Variants in FANCA observed in about 807,000 individuals in gnomAD.
The protein encoded by FANCA is Fanconi anemia group A protein.
FANCA carries 236 observed loss-of-function variants against 194.3 expected under a neutral mutation model. The ratio of observed to expected loss-of-function variants is 1.21; its 90% CI spans 1.09 to 1.35. The LOEUF (loss-of-function observed/expected upper bound fraction) is 1.35, where lower values mean the gene tolerates loss of function less well. Ranked by LOEUF, FANCA falls within the 40% of genes most tolerant of loss-of-function variation. The pLI is 0.00. For missense variants in FANCA, 2,628 were observed against 1,813.9 expected (o/e 1.45, Z -8.15); for synonymous variants, 1,014 against 715.8 (o/e 1.42, Z -6.65).
Position 89,778,830 on chromosome 16 carries a change from G to C in FANCA, c.1797C>G (p.Ser599=), listed in dbSNP as rs2039605171. 1 of 1,614,016 alleles carries C rather than the reference G, an allele frequency of 6.2e-7. No homozygotes were observed. The highest frequency in any genetic ancestry group is 2.2e-5 in the East Asian group (1 of 44,880). Residue 599 remains serine (S), a synonymous_variant, in exon 20 of 43, where the codon TCC becomes TCG. Coordinates refer to ENST00000389301, the MANE Select transcript of FANCA (RefSeq NM_000135.4). ...TCAGAGACTCTATAAACGCCACACGGGAGTCAGGGACTTTGGGGAGCTGTG... is the reference window on the plus strand; with the variant it reads ...TCAGAGACTCTATAAACGCCACACGCGAGTCAGGGACTTTGGGGAGCTGTG... ...TPRVLPKVPD[S]RVAFIESLKR...
At chr16:89,779,292 G>A (rs550928806) in intron 18 of FANCA, among the ~76,000 whole-genome samples, 29 of 152,234 alleles carry the variant, frequency 1.9e-4, no homozygotes, top group African/African-American at 6.7e-4. Context: ...TCCATTTGGG[G>A]CAATTTCCTT....
intron 5 of FANCA, 66 bp from the exon 6 acceptor site, chr16:89,808,433 T>A: frequency 6.7e-7 from 1 of 1,487,962 alleles, no homozygotes; most frequent in South Asian, 1.1e-5. Context: ...GAGTCCTTTA[T>A]GAATGCATTT....
intron 30 of FANCA, among the ~76,000 whole-genome samples, 169 bp from the exon 31 acceptor site, chr16:89,752,391 C>T (rs2038627191): frequency 6.6e-6 from 1 of 152,160 alleles, no homozygotes; most frequent in African/African-American, 2.4e-5. Flanking sequence ...CTACCAACCC[C>T]AACCTAGGAA....
At chr16:89,738,829 G>C (rs774488518) in intron 42 of FANCA, 53 bp downstream of exon 42, 41 of 1,614,014 alleles carry the variant, frequency 2.5e-5, no homozygotes, top group Non-Finnish European at 3.4e-5. Flanking sequence ...GGCCCAGGCA[G>C]CTGTCAATTC....
chr16:89,760,172 C>T (rs2038904838), intron 29 of FANCA, among the ~76,000 whole-genome samples: 2 of 152,272 alleles, frequency 1.3e-5, no homozygotes, highest in Admixed American at 6.5e-5. Context: ...ATGCAGCAGA[C>T]AAGCCCCTCC....
rs775083851 is a variant in FANCA, at chr16:89,779,884, G to T, written c.1700C>A (p.Thr567Asn). The change falls in exon 18 of 43, where the codon ACC (threonine) becomes AAC (asparagine). Residue 567 changes from threonine to asparagine, a missense_variant. Transcript: ENST00000389301. ...CCCAGCCTACCTGGCCTCCATGACG[G>T]TGACTGGGATGTTCCCCGTATGCTC... ...VFEHTGNIPV[T>N]VMEASIFRRP... is the part of the protein sequence containing the mutation. The T allele has an allele frequency of 6.2e-7, 1 of 1,613,844 alleles. No homozygotes were observed. The highest frequency in any genetic ancestry group is 8.5e-7 in the Non-Finnish European group (1 of 1,180,034).
At chr16:89,791,861 G>A in intron 13 of FANCA, 66 bp downstream of exon 13, 2 of 1,592,464 alleles carry the variant, frequency 1.3e-6, no homozygotes, top group Non-Finnish European at 8.6e-7. Flanking sequence ...CAGTCAGCTG[G>A]GACTCTGCTG....
At chr16:89,815,637 T>A (rs1402902459) in intron 2 of FANCA, among the ~76,000 whole-genome samples, 1 of 152,198 alleles carries the variant, frequency 6.6e-6, no homozygotes, top group Non-Finnish European at 1.5e-5. Context: ...ATTACAGCCC[T>A]GAGCCACGGC....
chr16:89,748,466 G>A (rs766716490), intron 33 of FANCA, among the ~76,000 whole-genome samples, 193 bp downstream of exon 33: 15 of 152,240 alleles, frequency 9.9e-5, no homozygotes, highest in Non-Finnish European at 2.1e-4. Flanking sequence ...CTGGTTTGGT[G>A]ATGTGCTGGT....
At chr16:89,793,126 G>C (rs879399761) in intron 11 of FANCA, among the ~76,000 whole-genome samples, 1 of 152,176 alleles carries the variant, frequency 6.6e-6, no homozygotes, top group Non-Finnish European at 1.5e-5. Flanking sequence ...CCCTCCACAA[G>C]AGGTGGAGGA....
At chr16:89,783,904 C>CAG (rs10674866) in intron 15 of FANCA, among the ~76,000 whole-genome samples, 100,643 of 151,488 alleles carry the variant, frequency 0.66, 34,225 homozygotes, top group East Asian at 0.98. Context: ...GCTAGGACTA[C>CAG]GCGCGCGCTA....
rs1393733318 is a variant in FANCA, at chr16:89,746,884, AG to A, written c.3354del (p.Phe1119SerfsTer8). The A allele has an allele frequency of 6.4e-7, 1 of 1,556,116 alleles. No homozygotes were observed. Among genetic ancestry groups the A allele is most frequent in the Non-Finnish European group, 8.7e-7 (1 of 1,149,250 alleles). ...GTCAGGGCACCTCCGTGGGAGCAGA[AG>A]TTTCTCTGCAAAAGAGTTCAAGGCA... ...FFHLVNSEMR[N>X]FCSHGGALTQ... On this transcript the variant is annotated frameshift_variant, in exon 34 of 43. Coordinates refer to ENST00000389301, the MANE Select transcript of FANCA (RefSeq NM_000135.4). LOFTEE classifies it high-confidence loss of function.
Position 89,784,841 on chromosome 16 carries a change from GC to G in FANCA, c.1470+12del. 6.3e-7 allele frequency: 1 copy of G among 1,594,906 alleles called. No individual in the cohort carries two copies. Among genetic ancestry groups the G allele is most frequent in the African/African-American group, 1.3e-5 (1 of 74,652 alleles). Reference sequence around the variant, plus strand: ...AGCACCAGAAATCATGGATGTGGCAGCCAGCTTCTCACCTGCAGGTACCGGG... The same window carrying G: ...AGCACCAGAAATCATGGATGTGGCAGCAGCTTCTCACCTGCAGGTACCGGG... On this transcript the variant is annotated intron_variant, in intron 15 of 42. Coordinates refer to ENST00000389301, the MANE Select transcript of FANCA (RefSeq NM_000135.4).
chr16:89,786,504 A>G (rs899915961), intron 14 of FANCA, among the ~76,000 whole-genome samples: 2 of 151,922 alleles, frequency 1.3e-5, no homozygotes, highest in African/African-American at 4.8e-5. Flanking sequence ...TTTAGTAGAG[A>G]TGAGGTTTTG....
chr16:89,792,163 C>A (rs780209455), intron 12 of FANCA, 95 bp from the exon 13 acceptor site: 22 of 1,405,806 alleles, frequency 1.6e-5, no homozygotes, highest in Non-Finnish European at 2.0e-5. Flanking sequence ...CCACCGCAGC[C>A]CCCTCACTTC....
intron 30 of FANCA, among the ~76,000 whole-genome samples, chr16:89,757,781 G>C (rs55857437): frequency 0.023 from 3,461 of 152,350 alleles, 67 homozygotes; most frequent in South Asian, 0.058. Context: ...GATGGAGAGA[G>C]GCTGTGATGC....
At position 89,792,544 on chromosome 16, in the gene FANCA, G is replaced by C. The variant is rs374835951; in HGVS notation, c.1010C>G (p.Ser337Cys). 1.7e-5 allele frequency: 27 copies of C among 1,612,898 alleles called. No homozygotes were observed. The highest frequency in any genetic ancestry group is 2.3e-5 in the Non-Finnish European group (27 of 1,179,938). ...ILTHSPVLKA[S>C]DAVQMQREWS... is the part of the protein sequence containing the mutation. ...CTCTCTCTGCATCTGAACAGCATCA[G>C]ATGCTGCAGGGGGAGAAACAGACAA... Residue 337 changes from serine (S) to cysteine (C), a missense_variant, in exon 12 of 43, where the codon TCT becomes TGT. By Grantham distance (112) the Ser-to-Cys change is moderately radical (BLOSUM62 -1). Transcript: ENST00000389301.
chr16:89,759,089 G>C (rs952369965), intron 29 of FANCA, among the ~76,000 whole-genome samples: 2 of 151,976 alleles, frequency 1.3e-5, no homozygotes, highest in Admixed American at 1.3e-4. Flanking sequence ...GGGAGGCTCA[G>C]GCGGGCGGAT....
At chr16:89,791,191 G>C (rs547787495) in intron 14 of FANCA, 3 of 638,862 alleles carry the variant, frequency 4.7e-6, no homozygotes, top group African/African-American at 3.6e-5. Flanking sequence ...CAGGCTCCTC[G>C]GAACATGCAG....
Sources: allele counts gnomAD v4.1 joint callset (sites outside exome capture counted in the v4.1 genomes callset), GRCh38; gene constraint gnomAD v4.1.1; transcripts MANE v1.5; gene names NCBI Gene and HGNC (gene_info 2026-07-23, HGNC 2026-07-21).